RABGAP1L: variants seen among roughly 807,000 people sequenced by gnomAD.
The protein encoded by RABGAP1L is RAB GTPase activating protein 1 like.
RABGAP1L carries 63 observed loss-of-function variants against 137.7 expected under a neutral mutation model. The observed-to-expected ratio is 0.46, with a 90% CI of 0.37 to 0.56. RABGAP1L has a LOEUF of 0.56. RABGAP1L is among the 20% of genes least tolerant of loss of function. RABGAP1L has a pLI of 0.00. For missense variants in RABGAP1L, 1,095 were observed against 1,244.0 expected (o/e 0.88, Z 1.80); for synonymous variants, 431 against 433.7 (o/e 0.99, Z 0.08).
intron 15 of RABGAP1L, among the ~76,000 whole-genome samples, chr1:174,688,833 A>G (rs1678660433): frequency 6.6e-6 from 1 of 152,094 alleles, no homozygotes; most frequent in African/African-American, 2.4e-5. Flanking sequence ...AAAGCAAAGT[A>G]CAACATTACA....
chr1:174,970,564 T>C (rs1298102605), intron 21 of RABGAP1L, among the ~76,000 whole-genome samples: 1 of 152,204 alleles, frequency 6.6e-6, no homozygotes, highest in African/African-American at 2.4e-5. Flanking sequence ...TAAATTTTAC[T>C]ATGTACCCAC....
At chr1:174,522,186 T>A (rs1387708747) in intron 13 of RABGAP1L, among the ~76,000 whole-genome samples, 2 of 152,120 alleles carry the variant, frequency 1.3e-5, no homozygotes, top group Non-Finnish European at 2.9e-5. Context: ...AAGGCATATA[T>A]TCTGTAGAGG....
At chr1:174,272,640 G>A (rs1194570025) in intron 8 of RABGAP1L, among the ~76,000 whole-genome samples, 160 bp downstream of exon 8, 1 of 151,964 alleles carries the variant, frequency 6.6e-6, no homozygotes, top group Non-Finnish European at 1.5e-5. Context: ...AAAATTACTT[G>A]TGAAAGAGGA....
chr1:174,401,822 CA>C (rs1415682379), intron 13 of RABGAP1L, among the ~76,000 whole-genome samples: 35 of 152,092 alleles, frequency 2.3e-4, no homozygotes, highest in African/African-American at 7.7e-4. Context: ...AGCAAAGTGA[CA>C]AGTGAGGACA....
intron 13 of RABGAP1L, among the ~76,000 whole-genome samples, chr1:174,409,917 C>A (rs1571669382): frequency 6.6e-6 from 1 of 152,184 alleles, no homozygotes; most frequent in South Asian, 2.1e-4. Flanking sequence ...TGAACATAGA[C>A]CCTTATCAGG....
intron 17 of RABGAP1L, among the ~76,000 whole-genome samples, chr1:174,744,487 G>C (rs994612556): frequency 6.6e-6 from 1 of 152,154 alleles, no homozygotes; most frequent in Admixed American, 6.5e-5. Flanking sequence ...TATATAACAA[G>C]CTATACGAAA....
At chr1:174,894,721 G>T (rs1262950758) in intron 19 of RABGAP1L, among the ~76,000 whole-genome samples, 1 of 144,896 alleles carries the variant, frequency 6.9e-6, no homozygotes, top group Non-Finnish European at 1.5e-5. Context: ...ACCAAGTTGG[G>T]TTTTTTGTTG....
At chr1:174,364,293 C>T (rs1205996442) in intron 11 of RABGAP1L, among the ~76,000 whole-genome samples, 5 of 102,182 alleles carry the variant, frequency 4.9e-5, no homozygotes, top group Non-Finnish European at 7.0e-5. Flanking sequence ...CTCGCTCTGT[C>T]GCCCAGGCTG....
At chr1:174,827,061 G>T (rs548044362) in intron 19 of RABGAP1L, among the ~76,000 whole-genome samples, 1 of 152,296 alleles carries the variant, frequency 6.6e-6, no homozygotes, top group African/African-American at 2.4e-5. Context: ...TTCCACATGG[G>T]ATGGTCACCA....
At chr1:174,282,132 C>T (rs907837168) in intron 10 of RABGAP1L, among the ~76,000 whole-genome samples, 6 of 152,188 alleles carry the variant, frequency 3.9e-5, no homozygotes, top group African/African-American at 1.4e-4. Flanking sequence ...CTGTATCTTT[C>T]TGTGGACATA....
At chr1:174,884,929 C>T (rs768885674) in intron 19 of RABGAP1L, among the ~76,000 whole-genome samples, 6 of 152,180 alleles carry the variant, frequency 3.9e-5, no homozygotes, top group Admixed American at 6.5e-5. Context: ...AGAATCTGAC[C>T]GAGTAATGTT....
At chr1:174,973,906 G>C (rs1670387207) in intron 21 of RABGAP1L, among the ~76,000 whole-genome samples, 1 of 151,586 alleles carries the variant, frequency 6.6e-6, no homozygotes, top group Non-Finnish European at 1.5e-5. Flanking sequence ...ACTTGAACCA[G>C]TGGGCTGCAG....
chr1:174,620,014 C>A (rs560612390), intron 13 of RABGAP1L, among the ~76,000 whole-genome samples: 12 of 152,214 alleles, frequency 7.9e-5, no homozygotes, highest in South Asian at 2.1e-4. Flanking sequence ...ACAGACTTTA[C>A]ACCAACAAAG....
At chr1:174,424,640 G>C (rs1651742610) in intron 13 of RABGAP1L, among the ~76,000 whole-genome samples, 1 of 152,084 alleles carries the variant, frequency 6.6e-6, no homozygotes, top group South Asian at 2.1e-4. Context: ...ATGCAATGTA[G>C]TAATCACCTG....
chr1:174,553,885 G>T (rs1666710694), intron 13 of RABGAP1L, among the ~76,000 whole-genome samples: 1 of 152,140 alleles, frequency 6.6e-6, no homozygotes, highest in African/African-American at 2.4e-5. Context: ...CCAGCTCCTT[G>T]GCAGGGCTGA....
chr1:174,319,656 A>G (rs940217633), intron 11 of RABGAP1L, among the ~76,000 whole-genome samples: 6 of 152,182 alleles, frequency 3.9e-5, no homozygotes, highest in African/African-American at 1.2e-4. Flanking sequence ...GTTTCTTACT[A>G]TTAACATGAA....
chr1:174,948,531 A>AAC (rs1553291563), intron 19 of RABGAP1L, among the ~76,000 whole-genome samples: 6 of 147,606 alleles, frequency 4.1e-5, no homozygotes, highest in African/African-American at 5.0e-5. Flanking sequence ...AAAAAAAAAA[A>AAC]AGGAGTGTAA....
At chr1:174,444,394 A>C (rs1457715103) in intron 13 of RABGAP1L, among the ~76,000 whole-genome samples, 1 of 151,922 alleles carries the variant, frequency 6.6e-6, no homozygotes, top group Non-Finnish European at 1.5e-5. Context: ...TTGGCCTCCT[A>C]TAATTTTTTT....
chr1:174,619,172 C>T (rs1264677117), intron 13 of RABGAP1L, among the ~76,000 whole-genome samples: 2 of 152,154 alleles, frequency 1.3e-5, no homozygotes, highest in Non-Finnish European at 2.9e-5. Flanking sequence ...GACAGGTGTA[C>T]CTGAAAGCGA....
Sources: allele counts gnomAD v4.1 joint callset (sites outside exome capture counted in the v4.1 genomes callset), GRCh38; gene constraint gnomAD v4.1.1; transcripts MANE v1.5; gene names NCBI Gene and HGNC (gene_info 2026-07-23, HGNC 2026-07-21).